MARCHF1: variants seen among roughly 807,000 people sequenced by gnomAD.
MARCHF1 encodes the protein membrane associated ring-CH-type finger 1.
Under a neutral mutation model 54.2 loss-of-function variants are expected in MARCHF1, and 40 were observed. That is an observed-to-expected ratio of 0.74 (90% CI 0.57 to 0.96). The LOEUF (loss-of-function observed/expected upper bound fraction) is 0.96, where lower values mean the gene tolerates loss of function less well. Ranked by LOEUF, MARCHF1 falls within the 40% of genes least tolerant of loss-of-function variation. The pLI, the probability that MARCHF1 is intolerant of heterozygous loss-of-function variation, is 0.00. For synonymous variants in MARCHF1, 236 were observed against 236.3 expected (o/e 1.00, Z 0.01); for missense variants, 586 against 656.5 (o/e 0.89, Z 1.17).
intron 1 of MARCHF1, among the ~76,000 whole-genome samples, chr4:164,181,502 AT>A (rs1730833290): frequency 6.6e-6 from 1 of 152,210 alleles, no homozygotes; most frequent in Admixed American, 6.5e-5. Flanking sequence ...AAAGACTTCA[AT>A]TTGAAGACAC....
At chr4:164,267,911 T>A (rs1213252312) in intron 1 of MARCHF1, among the ~76,000 whole-genome samples, 2 of 151,860 alleles carry the variant, frequency 1.3e-5, no homozygotes, top group East Asian at 3.9e-4. Flanking sequence ...ACTCACACAA[T>A]CTGTGTGGCT....
At chr4:164,040,291 T>C (rs1447764591) in intron 2 of MARCHF1, among the ~76,000 whole-genome samples, 2 of 133,704 alleles carry the variant, frequency 1.5e-5, no homozygotes, top group African/African-American at 5.7e-5. Flanking sequence ...TAGACACAAG[T>C]ATCTATAAGT....
At chr4:163,725,901 A>G (rs1185079555) in intron 4 of MARCHF1, among the ~76,000 whole-genome samples, 1 of 152,238 alleles carries the variant, frequency 6.6e-6, no homozygotes, top group East Asian at 1.9e-4. Context: ...TATGCTTAGG[A>G]TGACATCTTA....
chr4:164,332,998 T>C (rs1729604862), intron 1 of MARCHF1, among the ~76,000 whole-genome samples: 1 of 152,092 alleles, frequency 6.6e-6, no homozygotes, highest in African/African-American at 2.4e-5. Context: ...ATTGTTCTTG[T>C]ATTTAACAAT....
At chr4:164,054,452 G>T (rs1272070021) in intron 2 of MARCHF1, among the ~76,000 whole-genome samples, 1 of 151,986 alleles carries the variant, frequency 6.6e-6, no homozygotes, top group African/African-American at 2.4e-5. Context: ...TATAAATCAT[G>T]CTGCTATAAA....
chr4:164,303,138 C>T (rs1182150774), intron 1 of MARCHF1, among the ~76,000 whole-genome samples: 1 of 152,082 alleles, frequency 6.6e-6, no homozygotes, highest in African/African-American at 2.4e-5. Context: ...CACGGTTTCC[C>T]TCTAGTTTGG....
At chr4:164,310,264 G>A (rs960620021) in intron 1 of MARCHF1, among the ~76,000 whole-genome samples, 1 of 151,854 alleles carries the variant, frequency 6.6e-6, no homozygotes, top group Non-Finnish European at 1.5e-5. Flanking sequence ...TTTTAGTAGA[G>A]ACAGGGTTTC....
intron 3 of MARCHF1, among the ~76,000 whole-genome samples, chr4:163,979,275 G>C (rs1376320488): frequency 7.6e-6 from 1 of 131,784 alleles, no homozygotes; most frequent in Non-Finnish European, 1.6e-5. Context: ...GCGGTGTTTG[G>C]TTTTTTGTTC....
chr4:164,273,141 A>G (rs1471677179), intron 1 of MARCHF1, among the ~76,000 whole-genome samples: 1 of 151,976 alleles, frequency 6.6e-6, no homozygotes, highest in Non-Finnish European at 1.5e-5. Context: ...AGACTGGGTA[A>G]TTTATAAAGG....
chr4:164,285,986 T>C (rs1343212128), intron 1 of MARCHF1, among the ~76,000 whole-genome samples: 1 of 151,618 alleles, frequency 6.6e-6, no homozygotes. Context: ...TGACTGGGAG[T>C]GAGTAAGGAG....
At chr4:163,652,793 T>C (rs946662466) in intron 5 of MARCHF1, among the ~76,000 whole-genome samples, 2 of 151,956 alleles carry the variant, frequency 1.3e-5, no homozygotes, top group Non-Finnish European at 1.5e-5. Context: ...CCAAGTAATA[T>C]TTTCTCATCC....
intron 5 of MARCHF1, among the ~76,000 whole-genome samples, chr4:163,669,506 G>A (rs145404843): frequency 2.0e-5 from 3 of 152,226 alleles, no homozygotes; most frequent in East Asian, 3.9e-4. Context: ...TGAGAGGGCA[G>A]GTCCTGGACT....
chr4:164,162,801 A>G (rs1395405080), intron 1 of MARCHF1, among the ~76,000 whole-genome samples: 2 of 152,174 alleles, frequency 1.3e-5, no homozygotes, highest in Admixed American at 6.6e-5. Context: ...AGCAGGCTAA[A>G]TAAGAAGAAA....
chr4:164,185,048 A>G (rs560660740), intron 1 of MARCHF1, among the ~76,000 whole-genome samples: 3 of 152,318 alleles, frequency 2.0e-5, no homozygotes, highest in Non-Finnish European at 4.4e-5. Context: ...AATCAAAACA[A>G]AATTTTAAAA....
chr4:164,335,581 CAAAA>C (rs34889741), intron 1 of MARCHF1, among the ~76,000 whole-genome samples: 115 of 121,718 alleles, frequency 9.4e-4, no homozygotes, highest in Middle Eastern at 4.8e-3. Context: ...GACTCCATCT[CAAAA>C]AAAAAAAAAA....
intron 5 of MARCHF1, among the ~76,000 whole-genome samples, chr4:163,641,382 A>G (rs1264377465): frequency 1.3e-5 from 2 of 152,146 alleles, no homozygotes; most frequent in African/African-American, 4.8e-5. Flanking sequence ...AATAGTATAA[A>G]AAATTATGGC....
chr4:164,183,311 T>C (rs1396906927), intron 1 of MARCHF1, among the ~76,000 whole-genome samples: 1 of 152,192 alleles, frequency 6.6e-6, no homozygotes, highest in Non-Finnish European at 1.5e-5. Flanking sequence ...ATGTAATGCA[T>C]AAAAAGTGGT....
At chr4:163,603,223 A>G (rs541306194) in intron 7 of MARCHF1, among the ~76,000 whole-genome samples, 1 of 152,166 alleles carries the variant, frequency 6.6e-6, no homozygotes, top group South Asian at 2.1e-4. Flanking sequence ...ATATAATTTT[A>G]CTCAAAAATC....
At chr4:163,726,024 G>A (rs563981617) in intron 4 of MARCHF1, among the ~76,000 whole-genome samples, 8 of 151,830 alleles carry the variant, frequency 5.3e-5, no homozygotes, top group Non-Finnish European at 1.2e-4. Flanking sequence ...ACAGTTTTAG[G>A]TATAGAGATT....
Sources: gnomAD v4.1 joint callset for allele counts (sites outside exome capture counted in the v4.1 genomes callset) on GRCh38, gnomAD v4.1.1 for gene constraint, MANE v1.5 for transcripts, NCBI Gene and HGNC (gene_info 2026-07-23, HGNC 2026-07-21) for gene names.